Variants in NSUN2 observed in about 807,000 individuals in gnomAD.
NSUN2 encodes the protein NOP2/Sun RNA methyltransferase 2.
In NSUN2, 63 loss-of-function variants were observed where a neutral mutation model predicts 92.7. That is an observed-to-expected ratio of 0.68 (90% CI 0.56 to 0.84). The LOEUF is 0.84. Ranked by LOEUF, NSUN2 falls within the 40% of genes least tolerant of loss-of-function variation. The pLI, the probability that NSUN2 is intolerant of heterozygous loss-of-function variation, is 0.00. For missense variants in NSUN2, 989 were observed against 964.9 expected, an observed-to-expected ratio of 1.02 and a Z score of -0.33; for synonymous variants, 356 against 348.3, an observed-to-expected ratio of 1.02 and a Z score of -0.25.
chr5:6,625,035 C>A (rs796825948), intron 4 of NSUN2, among the ~76,000 whole-genome samples: 9 of 151,152 alleles, frequency 6.0e-5, no homozygotes, highest in African/African-American at 2.2e-4. Context: ...CTGTGAGGAC[C>A]AAAGCTGTGC....
chr5:6,618,766 T>C (rs746384576), intron 7 of NSUN2, among the ~76,000 whole-genome samples: 1 of 152,252 alleles, frequency 6.6e-6, no homozygotes, highest in Non-Finnish European at 1.5e-5. Context: ...TTTCCATGTA[T>C]ATTTTATAGT....
intron 18 of NSUN2, among the ~76,000 whole-genome samples, chr5:6,601,916 C>T (rs1736571605): frequency 6.6e-6 from 1 of 152,178 alleles, no homozygotes; most frequent in Admixed American, 6.5e-5. Flanking sequence ...TCCCGGCTTC[C>T]TCCTCTGGCA....
intron 13 of NSUN2, 123 bp from the exon 14 acceptor site, chr5:6,607,035 AACCT>A: frequency 2.1e-6 from 2 of 973,442 alleles, no homozygotes; most frequent in Non-Finnish European, 3.2e-6. Context: ...CAGATGTTGA[AACCT>A]TCCGGCTTCC....
intron 2 of NSUN2, among the ~76,000 whole-genome samples, chr5:6,632,259 G>C (rs866192401): frequency 3.3e-5 from 5 of 152,054 alleles, no homozygotes; most frequent in Admixed American, 2.0e-4. Flanking sequence ...AAAGATGGAG[G>C]GGGGGCGCGG....
intron 18 of NSUN2, among the ~76,000 whole-genome samples, chr5:6,601,950 C>T (rs1403972068): frequency 1.3e-5 from 2 of 151,768 alleles, no homozygotes; most frequent in Non-Finnish European, 2.9e-5. Context: ...CCAGCACCTG[C>T]TCCCCCAAGG....
intron 5 of NSUN2, 101 bp downstream of exon 5, chr5:6,623,113 A>G: frequency 1.1e-6 from 1 of 908,892 alleles, no homozygotes; most frequent in Non-Finnish European, 1.7e-6. Flanking sequence ...AGAAGAAAAA[A>G]AGGACTAATT....
chr5:6,632,873 C>A lies in NSUN2; in HGVS notation c.96+11G>T. The A allele has an allele frequency of 6.5e-7, 1 of 1,534,612 alleles. No individual in the cohort carries two copies. The highest frequency in any genetic ancestry group is 1.4e-5 in the African/African-American group (1 of 72,396). On this transcript the variant is annotated intron_variant, in intron 1 of 18. Transcript: ENST00000264670. ...GAGCCCCTGGCCCGCCCGCCGGGTCCCGGCTCCTACCGCCTCGCCGCGCTT... is the reference window on the plus strand; with the variant it reads ...GAGCCCCTGGCCCGCCCGCCGGGTCACGGCTCCTACCGCCTCGCCGCGCTT...
intron 15 of NSUN2, chr5:6,604,909 T>G (rs1197312783): frequency 1.7e-6 from 1 of 604,788 alleles, no homozygotes; most frequent in East Asian, 2.8e-5. Context: ...AATGGCCAAA[T>G]TCTAAGGGAA....
chr5:6,632,661 GC>G lies in NSUN2; in HGVS notation c.191del (p.Gly64AlafsTer15). 1.9e-6 allele frequency: 3 copies of G among 1,614,122 alleles called. No homozygotes were observed. Among genetic ancestry groups the G allele is most frequent in the Non-Finnish European group, 2.5e-6 (3 of 1,180,000 alleles). ...ELKIVPEGEW[G>X]QFMDALREPL... is the part of the protein sequence containing the mutation. ...GCTCCCTGAGAGCGTCCATGAACTG[GC>G]CCCACTCGCCCTCGGGCACGATCTT... On this transcript the variant is annotated frameshift_variant, in exon 2 of 19. Transcript: ENST00000264670. LOFTEE classifies it high-confidence loss of function.
At position 6,623,264 on chromosome 5, in the gene NSUN2, C is replaced by T. The variant is rs1737530790; in HGVS notation, c.487G>A (p.Ala163Thr). 6.3e-7 allele frequency: 1 copy of T among 1,591,082 alleles called. No individual in the cohort carries two copies. Among genetic ancestry groups the T allele is most frequent in the Non-Finnish European group, 8.5e-7 (1 of 1,171,836 alleles). The change falls in exon 5 of 19, where the codon GCT becomes ACT. Residue 163 changes from alanine to threonine, a missense_variant. Transcript: ENST00000264670. ...AGCAGTGGTGGGATCATGCTAACAG[C>T]TTCTTGACGACTAATATTTCCCTTG... is the stretch of plus-strand genomic sequence containing the variant. ...TESGNISRQE[A>T]VSMIPPLLLN...
intron 6 of NSUN2, chr5:6,621,037 A>G (rs1222572443): frequency 6.6e-6 from 1 of 152,238 alleles, no homozygotes; most frequent in African/African-American, 2.4e-5. Flanking sequence ...AGGATTTCAA[A>G]AAACAGACCT....
intron 7 of NSUN2, 104 bp downstream of exon 7, chr5:6,620,002 G>T (rs1037615829): frequency 4.0e-6 from 4 of 991,572 alleles, no homozygotes; most frequent in African/African-American, 1.7e-5. Flanking sequence ...CGCACCCCAA[G>T]ACTTATGTAC....
At chr5:6,606,772 C>G in intron 14 of NSUN2, 48 bp downstream of exon 14, 1 of 1,028,438 alleles carries the variant, frequency 9.7e-7, no homozygotes, top group South Asian at 1.4e-5. Flanking sequence ...ATTTGATACT[C>G]TATAGTAAAT....
At chr5:6,612,907 C>A (rs1325561828) in intron 9 of NSUN2, among the ~76,000 whole-genome samples, 1 of 152,214 alleles carries the variant, frequency 6.6e-6, no homozygotes, top group Non-Finnish European at 1.5e-5. Flanking sequence ...AGTTGTTGAG[C>A]ACTTTCAGGT....
Position 6,607,251 on chromosome 5 carries a change from T to A in NSUN2, c.1457A>T (p.His486Leu). The A allele has an allele frequency of 6.2e-7, 1 of 1,611,340 alleles. No homozygotes were observed. The highest frequency in any genetic ancestry group is 8.5e-7 in the Non-Finnish European group (1 of 1,177,492). ...FTGTGDTEIA[H>L]ATEDLENNGS... ...ATTATTCTCTAAATCCTCAGTTGCATGAGCTATTTCTGTGTCACCAGTTCC... is the reference window on the plus strand; with the variant it reads ...ATTATTCTCTAAATCCTCAGTTGCAAGAGCTATTTCTGTGTCACCAGTTCC... The change falls in exon 13 of 19, where the codon CAT (histidine) becomes CTT (leucine). Residue 486 changes from histidine to leucine, a missense_variant. Transcript: ENST00000264670.
At chr5:6,617,216 T>G (rs1737248123) in intron 8 of NSUN2, among the ~76,000 whole-genome samples, 1 of 152,184 alleles carries the variant, frequency 6.6e-6, no homozygotes, top group African/African-American at 2.4e-5. Context: ...GTATCATACA[T>G]TCCAGTCCTA....
In NSUN2 at chr5:6,623,814, T is replaced by C. The variant is rs554339529; in HGVS notation, c.466-529A>G. Among the ~76,000 whole-genome samples, 5 of 152,056 alleles carry C rather than the reference T, an allele frequency of 3.3e-5. No individual in the cohort carries two copies. The South Asian group carries it at 1.0e-3, about 32-fold the overall frequency. ...AACCACTGCTTCCATCTTTCCATCT[T>C]TAGACCTTCAATATCTAAAATTCCT... On this transcript the variant is annotated intron_variant, in intron 4 of 18. Transcript: ENST00000264670.
chr5:6,599,652 C>T lies in NSUN2; in HGVS notation c.*274G>A, dbSNP rs1402518288. 1 of 395,752 alleles carries T rather than the reference C, an allele frequency of 2.5e-6. No individual in the cohort carries two copies. The highest frequency in any genetic ancestry group is 2.0e-5 in the African/African-American group (1 of 49,402). The allele number at this position is 395,752 out of a possible 1,614,324, so 24.5% of individuals were successfully genotyped here. ...TGATAGAAGTACAACTTTTGAAAGT[C>T]TATTCCCAGCAAAAGAAACACTAGA... On this transcript the variant is annotated 3_prime_UTR_variant, in exon 19 of 19. Transcript: ENST00000264670.
At chr5:6,604,455 G>T in intron 16 of NSUN2, 150 bp downstream of exon 16, 3 of 895,534 alleles carry the variant, frequency 3.3e-6, no homozygotes, top group Non-Finnish European at 5.2e-6. Flanking sequence ...CACTCTGGGA[G>T]AGCTCTATAA....
Sources: allele counts gnomAD v4.1 joint callset (sites outside exome capture counted in the v4.1 genomes callset), GRCh38; gene constraint gnomAD v4.1.1; transcripts MANE v1.5; gene names NCBI Gene and HGNC (gene_info 2026-07-23, HGNC 2026-07-21).